Variants in SAFB2 observed in about 807,000 individuals in gnomAD.
SAFB2 encodes the protein scaffold attachment factor B2.
Under a neutral mutation model 100.6 loss-of-function variants are expected in SAFB2, and 32 were observed. The ratio of observed to expected loss-of-function variants is 0.32; its 90% CI spans 0.24 to 0.43. The LOEUF (loss-of-function observed/expected upper bound fraction) is 0.43, where lower values mean the gene tolerates loss of function less well. Among genes scored for constraint, SAFB2 ranks in the 20% least tolerant of loss-of-function variants. The pLI is 1.00. For synonymous variants in SAFB2, 500 were observed against 439.4 expected, an observed-to-expected ratio of 1.14 and a Z score of -1.72; for missense variants, 1,185 against 1,163.4, an observed-to-expected ratio of 1.02 and a Z score of -0.27.
At chr19:5,593,281 T>C (rs919369700) in intron 15 of SAFB2, among the ~76,000 whole-genome samples, 3 of 152,224 alleles carry the variant, frequency 2.0e-5, no homozygotes, top group African/African-American at 7.2e-5. Flanking sequence ...TCTGAGTTTC[T>C]TGCAAAAGCA....
intron 18 of SAFB2, among the ~76,000 whole-genome samples, chr19:5,589,834 G>C (rs1444883246): frequency 1.3e-5 from 2 of 152,160 alleles, no homozygotes; most frequent in Non-Finnish European, 2.9e-5. Flanking sequence ...CTAATAGGCA[G>C]GATAGGGTTG....
intron 18 of SAFB2, chr19:5,588,881 G>A (rs534536367): frequency 6.6e-6 from 1 of 152,380 alleles, no homozygotes; most frequent in African/African-American, 2.4e-5. Flanking sequence ...CTTAAAGAAA[G>A]CTATTTGTTT....
intron 11 of SAFB2, among the ~76,000 whole-genome samples, chr19:5,604,218 C>G (rs1259803252): frequency 6.6e-6 from 1 of 152,150 alleles, no homozygotes; most frequent in African/African-American, 2.4e-5. Flanking sequence ...TGAGACCAGC[C>G]TTGGTAACAT....
intron 2 of SAFB2, among the ~76,000 whole-genome samples, chr19:5,618,191 C>T (rs1282488859): frequency 3.3e-5 from 5 of 152,056 alleles, no homozygotes; most frequent in Admixed American, 1.3e-4. Context: ...CATACTTTCC[C>T]GTCTCTACTA....
chr19:5,587,937 G>A lies in SAFB2; in HGVS notation c.2569C>T (p.His857Tyr). The change falls in exon 19 of 21, where the codon CAC becomes TAC. Residue 857 changes from histidine (H) to tyrosine (Y), a missense_variant. By Grantham distance (83) the His-to-Tyr change is moderately conservative (BLOSUM62 2). Coordinates refer to ENST00000252542, the MANE Select transcript of SAFB2 (RefSeq NM_014649.3). The surrounding 1 kb of genome is among the most constrained non-coding windows in gnomAD (Gnocchi z 4.9). ...WGEHNQRLEE[H>Y]QARAWQGAMD... ...GCACCCTGCCAGGCGCGTGCCTGGT[G>A]CTCCTCTAGCCGCTGGTTGTGCTCT... The A allele has an allele frequency of 6.2e-7, 1 of 1,612,738 alleles. No individual in the cohort carries two copies. Among genetic ancestry groups the A allele is most frequent in the Non-Finnish European group, 8.5e-7 (1 of 1,179,878 alleles).
At chr19:5,616,618 A>C (rs1446618667) in intron 2 of SAFB2, 132 bp from the exon 3 acceptor site, 10 of 664,634 alleles carry the variant, frequency 1.5e-5, no homozygotes, top group South Asian at 1.8e-5. Flanking sequence ...CTCCTGTCAC[A>C]CGTAATTTTG....
At chr19:5,606,277 A>G (rs2052772564) in intron 9 of SAFB2, among the ~76,000 whole-genome samples, 1 of 152,246 alleles carries the variant, frequency 6.6e-6, no homozygotes, top group Admixed American at 6.5e-5. Flanking sequence ...GTATTTGTAG[A>G]GATACAAGTA....
chr19:5,614,999 T>C (rs1029177326), intron 4 of SAFB2, among the ~76,000 whole-genome samples: 1 of 151,618 alleles, frequency 6.6e-6, no homozygotes, highest in Admixed American at 6.6e-5. Context: ...TCACTTGAGG[T>C]CAGGAGTTCG....
intron 9 of SAFB2, among the ~76,000 whole-genome samples, chr19:5,606,930 A>G (rs1246132225): frequency 6.6e-6 from 1 of 152,190 alleles, no homozygotes; most frequent in East Asian, 1.9e-4. Context: ...TGGTGAGGTG[A>G]ACATGATTTT....
chr19:5,594,269 G>C, intron 14 of SAFB2, 91 bp from the exon 15 acceptor site: 2 of 1,280,536 alleles, frequency 1.6e-6, no homozygotes, highest in African/African-American at 3.1e-5. Flanking sequence ...ATTGGAAGCA[G>C]AAAAAAAAAA....
At chr19:5,601,288 T>C (rs569623123) in intron 11 of SAFB2, among the ~76,000 whole-genome samples, 5 of 152,366 alleles carry the variant, frequency 3.3e-5, no homozygotes, top group African/African-American at 1.2e-4. Context: ...GTGGCCTTAG[T>C]GTCAATCACT....
Position 5,589,421 on chromosome 19 carries a change from G to A in SAFB2, c.2525+857C>T, listed in dbSNP as rs574315980. Among the ~76,000 whole-genome samples, 9 of 152,166 alleles carry A rather than the reference G, an allele frequency of 5.9e-5. No homozygotes were observed. The East Asian group carries it at 1.4e-3, about 23-fold the overall frequency. On this transcript the variant is annotated intron_variant, in intron 18 of 20. Coordinates refer to ENST00000252542, the MANE Select transcript of SAFB2 (RefSeq NM_014649.3). ...CTGGCAGAGCTGGAAGTGCCTCTCA[G>A]CGCGGAGGGAGGGATGGAACGGGGG... is the stretch of plus-strand genomic sequence containing the variant.
intron 1 of SAFB2, among the ~76,000 whole-genome samples, 153 bp downstream of exon 1, chr19:5,622,377 A>G (rs1026993337): frequency 6.6e-6 from 1 of 152,246 alleles, no homozygotes; most frequent in Non-Finnish European, 1.5e-5. Context: ...AAGGTCACAC[A>G]GCCGGCCCCC....
intron 18 of SAFB2, 69 bp downstream of exon 18, chr19:5,590,209 T>C: frequency 8.9e-7 from 1 of 1,119,642 alleles, no homozygotes. Flanking sequence ...GGGACGTGCC[T>C]GGCCAGGCAC....
intron 13 of SAFB2, 68 bp downstream of exon 13, chr19:5,598,725 C>A (rs553756510): frequency 7.1e-7 from 1 of 1,403,086 alleles, no homozygotes; most frequent in Non-Finnish European, 1.0e-6. Flanking sequence ...TTTCATAATG[C>A]GGATCAAACG....
At position 5,587,021 on chromosome 19, in the gene SAFB2, T is replaced by C. The variant is rs2052264431; in HGVS notation, c.*222A>G. The stretch of plus-strand genomic sequence containing the variant: ...GACTGCGAATGGTAAACTTTATTAA[T>C]GGAAAATGGAATGCCTCGTTAACAG... On this transcript the variant is annotated 3_prime_UTR_variant, in exon 21 of 21. Coordinates refer to ENST00000252542, the MANE Select transcript of SAFB2 (RefSeq NM_014649.3). This position sits in a 1 kb window ranked among gnomAD's most constrained non-coding sequence, Gnocchi z 4.9. 4.8e-6 allele frequency: 3 copies of C among 629,718 alleles called. No individual in the cohort carries two copies. In the Admixed American group the frequency reaches 9.1e-5, roughly 19 times the overall value. The allele number at this position is 629,718 out of a possible 1,614,324, so 39.0% of individuals were successfully genotyped here. A position where few individuals can be genotyped will look rare whatever the true frequency, so the allele number is the denominator to read the frequency against.
intron 11 of SAFB2, among the ~76,000 whole-genome samples, chr19:5,602,738 C>T (rs886304205): frequency 7.9e-5 from 12 of 152,094 alleles, no homozygotes; most frequent in South Asian, 2.1e-4. Context: ...TAATTATTAC[C>T]GCCTTTCCCA....
At chr19:5,621,486 G>A (rs1207463626) in intron 1 of SAFB2, 90 bp from the exon 2 acceptor site, 63 of 882,456 alleles carry the variant, frequency 7.1e-5, no homozygotes, top group Non-Finnish European at 9.5e-5. Flanking sequence ...TGAAACAAAG[G>A]CAAACCCGTC....
rs554634746 is a variant in SAFB2 at position 5,598,892 on chromosome 19, A to G, written c.1691-8T>C. On this transcript the variant is annotated splice_polypyrimidine_tract_variant and splice_region_variant and intron_variant, in intron 12 of 20. Coordinates refer to ENST00000252542, the MANE Select transcript of SAFB2 (RefSeq NM_014649.3). ...GCTCCATTCCTCTGCTTCCTTCAGG[A>G]AAAAACACAACAAACTATCAAAACC... The G allele has an allele frequency of 5.6e-6, 9 of 1,613,658 alleles. No homozygotes were observed. Among genetic ancestry groups the G allele is most frequent in the African/African-American group, 4.0e-5 (3 of 74,994 alleles).
Sources: allele counts gnomAD v4.1 joint callset (sites outside exome capture counted in the v4.1 genomes callset), GRCh38; gene constraint gnomAD v4.1.1; non-coding constraint Gnocchi (gnomAD v3.1); transcripts MANE v1.5; gene names NCBI Gene and HGNC (gene_info 2026-07-23, HGNC 2026-07-21).